The following LMO7 variants were observed in gnomAD, a reference collection of about 807,000 sequenced individuals.
LMO7 encodes the protein LIM domain only protein 7.
Under a neutral mutation model 206.5 loss-of-function variants are expected in LMO7, and 120 were observed. The ratio of observed to expected loss-of-function variants is 0.58; its 90% CI spans 0.50 to 0.68. LMO7 has a LOEUF of 0.68. Ranked by LOEUF, LMO7 falls within the 30% of genes least tolerant of loss-of-function variation. LMO7 has a pLI of 0.00. For synonymous variants in LMO7, 706 were observed against 681.5 expected (o/e 1.04, Z -0.56); for missense variants, 1,959 against 1,957.9 (o/e 1.00, Z -0.01).
At chr13:75,638,571 A>T (rs867820829) in intron 1 of LMO7, among the ~76,000 whole-genome samples, 62 of 152,092 alleles carry the variant, frequency 4.1e-4, no homozygotes, top group Middle Eastern at 6.8e-3. Context: ...TGAAATTAAA[A>T]TTTTTTTTCA....
At chr13:75,814,133 A>G (rs2056743965) in intron 11 of LMO7, among the ~76,000 whole-genome samples, 2 of 152,362 alleles carry the variant, frequency 1.3e-5, no homozygotes, top group South Asian at 2.1e-4. Context: ...TTCTCTCAAT[A>G]TAATTTATTC....
intron 11 of LMO7, among the ~76,000 whole-genome samples, chr13:75,815,376 G>A (rs575382389): frequency 5.3e-4 from 81 of 152,260 alleles, no homozygotes; most frequent in African/African-American, 1.8e-3. Context: ...ACCAGTTATG[G>A]TATATGAGAG....
chr13:75,847,029 CAAAAAA>C (rs34127474), intron 26 of LMO7, among the ~76,000 whole-genome samples: 8 of 112,444 alleles, frequency 7.1e-5, no homozygotes, highest in African/African-American at 2.7e-4. Context: ...GACTCTGTCT[CAAAAAA>C]AAAAAAAAAA....
chr13:75,701,525 C>T (rs2042285724), intron 1 of LMO7, among the ~76,000 whole-genome samples: 1 of 152,092 alleles, frequency 6.6e-6, no homozygotes, highest in South Asian at 2.1e-4. Context: ...AAAATGACGC[C>T]ATCTTTTTGC....
chr13:75,766,418 C>T (rs1319528316), intron 4 of LMO7, among the ~76,000 whole-genome samples: 1 of 151,962 alleles, frequency 6.6e-6, no homozygotes, highest in Non-Finnish European at 1.5e-5. Context: ...AATGGCACTT[C>T]ATCCAGTAAG....
At chr13:75,805,964 A>G (rs1000650744) in intron 9 of LMO7, 2 of 1,128,478 alleles carry the variant, frequency 1.8e-6, no homozygotes, top group African/African-American at 3.1e-5. Flanking sequence ...TGTTCTATAC[A>G]TAGTCATAGC....
rs975909226 is a variant in LMO7, at chr13:75,808,190, T to C, written c.1907T>C (p.Met636Thr). 2.5e-6 allele frequency: 4 copies of C among 1,611,424 alleles called. No individual in the cohort carries two copies. The highest frequency in any genetic ancestry group is 1.1e-5 in the South Asian group (1 of 90,894). ...ASRLRHKKRL[M>T]VERLFQKIYG... The stretch of plus-strand genomic sequence containing the variant: ...AGACTTAGGCACAAGAAAAGGCTGA[T>C]GGTGGAGAGGTCAGAGTGTGTTTCT... The change falls in exon 10 of 31, where the codon ATG becomes ACG. Residue 636 changes from methionine (M) to threonine (T), a missense_variant. Physicochemically the swap from Met to Thr is moderately conservative, Grantham distance 81 (BLOSUM62 -1). Coordinates refer to ENST00000377534, the MANE Select transcript of LMO7 (RefSeq NM_001306080.2).
intron 1 of LMO7, among the ~76,000 whole-genome samples, chr13:75,667,519 C>G (rs1179703854): frequency 1.4e-4 from 21 of 152,036 alleles, no homozygotes; most frequent in Admixed American, 1.4e-3. Context: ...TGACTTGCTT[C>G]TGGTCGTCTC....
chr13:75,718,753 G>A (rs1041994828), intron 2 of LMO7, among the ~76,000 whole-genome samples: 3 of 152,098 alleles, frequency 2.0e-5, no homozygotes, highest in African/African-American at 7.2e-5. Context: ...GTATCATCCA[G>A]AATTGTTTCA....
At chr13:75,647,331 G>T (rs1346557946) in intron 1 of LMO7, among the ~76,000 whole-genome samples, 3 of 152,122 alleles carry the variant, frequency 2.0e-5, no homozygotes, top group African/African-American at 7.2e-5. Flanking sequence ...AGAGATGTTG[G>T]TTTTGTTGTA....
chr13:75,733,421 C>A (rs1001325895), intron 3 of LMO7, among the ~76,000 whole-genome samples: 1 of 152,242 alleles, frequency 6.6e-6, no homozygotes, highest in African/African-American at 2.4e-5. Context: ...GGCGTAGGAC[C>A]CTCCGAGCCA....
rs374607766 is a variant in LMO7 at position 75,805,767 on chromosome 13, C to T, written c.1196+7C>T. The T allele has an allele frequency of 1.2e-5, 19 of 1,611,954 alleles. No individual in the cohort carries two copies. The highest frequency in any genetic ancestry group is 4.5e-5 in the East Asian group (2 of 44,874). ...AAGAATTTCAGGGATTCAGGTTTGTCGTTGTGCATGTTTCTGTCACACCAG... is the reference window on the plus strand; with the variant it reads ...AAGAATTTCAGGGATTCAGGTTTGTTGTTGTGCATGTTTCTGTCACACCAG... On this transcript the variant is annotated splice_region_variant and intron_variant, in intron 9 of 30. Coordinates refer to ENST00000377534, the MANE Select transcript of LMO7 (RefSeq NM_001306080.2).
chr13:75,831,214 G>A (rs1475438530), intron 15 of LMO7, among the ~76,000 whole-genome samples: 1 of 152,044 alleles, frequency 6.6e-6, no homozygotes, highest in African/African-American at 2.4e-5. Context: ...GCTTTACAAA[G>A]GGCTTTCTGC....
At chr13:75,718,792 T>C (rs1383725083) in intron 2 of LMO7, among the ~76,000 whole-genome samples, 1 of 152,192 alleles carries the variant, frequency 6.6e-6, no homozygotes, top group Non-Finnish European at 1.5e-5. Flanking sequence ...GTGCTCCTCC[T>C]ATTCATCCCT....
chr13:75,814,935 G>T (rs1195537446), intron 11 of LMO7, among the ~76,000 whole-genome samples: 1 of 152,116 alleles, frequency 6.6e-6, no homozygotes, highest in African/African-American at 2.4e-5. Context: ...CAGAGGGAGT[G>T]GGGGCATGGT....
At position 75,741,674 on chromosome 13, in the gene LMO7, T is replaced by C. The variant is rs150311698; in HGVS notation, c.210+14576T>C. Among the ~76,000 whole-genome samples, 534 of 152,296 alleles carry C rather than the reference T, an allele frequency of 3.5e-3. 10 individuals carry two copies. The highest frequency in any genetic ancestry group is 0.031 in the Admixed American group (477 of 15,306). ...GATACAGAAAAGCCTTTTGATAAAA[T>C]TCAACACTGCTTCATGTTAAAACTC... On this transcript the variant is annotated intron_variant, in intron 3 of 30. Coordinates refer to ENST00000377534, the MANE Select transcript of LMO7 (RefSeq NM_001306080.2).
At chr13:75,690,700 TA>T (rs2041395051) in intron 1 of LMO7, among the ~76,000 whole-genome samples, 1 of 152,324 alleles carries the variant, frequency 6.6e-6, no homozygotes, top group East Asian at 1.9e-4. Flanking sequence ...ACTTTACTTA[TA>T]AAAACAAGTG....
rs761319720 is a variant in LMO7, at chr13:75,840,350, T to C, written c.3478-41T>C. On this transcript the variant is annotated intron_variant, in intron 21 of 30. Transcript: ENST00000377534. ...TTCAGTAGATGACTTAATGAAGTTA[T>C]GTTGTTCTCTATTTGCATCTCTTCT... 7.5e-5 allele frequency: 121 copies of C among 1,608,908 alleles called. No homozygotes were observed. In the East Asian group the frequency reaches 2.6e-3, roughly 35 times the overall value.
At chr13:75,744,232 G>T (rs2046648234) in intron 3 of LMO7, among the ~76,000 whole-genome samples, 1 of 152,188 alleles carries the variant, frequency 6.6e-6, no homozygotes, top group Non-Finnish European at 1.5e-5. Context: ...GGTCAACATT[G>T]TAGTTGTTTC....
Sources: gnomAD v4.1 joint callset for allele counts (sites outside exome capture counted in the v4.1 genomes callset) on GRCh38, gnomAD v4.1.1 for gene constraint, MANE v1.5 for transcripts, NCBI Gene and HGNC (gene_info 2026-07-23, HGNC 2026-07-21) for gene names.